Variants in ARMH3 observed in about 807,000 individuals in gnomAD.
ARMH3 encodes the protein armadillo-like helical domain-containing protein 3.
A neutral mutation model predicts 99.1 loss-of-function variants in ARMH3; 60 were observed. The observed-to-expected ratio is 0.61, with a 90% CI of 0.49 to 0.75. The LOEUF (loss-of-function observed/expected upper bound fraction) is 0.75. Among genes scored for constraint, ARMH3 ranks in the 30% least tolerant of loss-of-function variants. ARMH3 has a pLI of 0.00. For missense variants in ARMH3, 679 were observed against 843.1 expected, an observed-to-expected ratio of 0.81 and a Z score of 2.41; for synonymous variants, 285 against 292.8, an observed-to-expected ratio of 0.97 and a Z score of 0.27.
intron 23 of ARMH3, among the ~76,000 whole-genome samples, chr10:101,927,524 C>T (rs995669079): frequency 6.6e-6 from 1 of 152,218 alleles, no homozygotes; most frequent in Non-Finnish European, 1.5e-5. Flanking sequence ...GGTCCATACT[C>T]TGAGTTACCA....
At chr10:101,997,218 A>T (rs1473192107) in intron 15 of ARMH3, among the ~76,000 whole-genome samples, 1 of 151,072 alleles carries the variant, frequency 6.6e-6, no homozygotes, top group Non-Finnish European at 1.5e-5. Flanking sequence ...TGAGCCGAGA[A>T]GATCATGCCA....
intron 5 of ARMH3, among the ~76,000 whole-genome samples, chr10:102,027,489 T>C (rs1269679058): frequency 6.6e-6 from 1 of 151,980 alleles, no homozygotes; most frequent in Non-Finnish European, 1.5e-5. Flanking sequence ...GCTCCCATTC[T>C]GAAAGAGAAT....
At chr10:101,883,986 T>TCACACACACA (rs140583795) in intron 24 of ARMH3, among the ~76,000 whole-genome samples, 2 of 145,460 alleles carry the variant, frequency 1.4e-5, no homozygotes, top group African/African-American at 5.1e-5. Context: ...GAGGGAGATC[T>TCACACACACA]CACACACACA....
At chr10:102,045,088 A>G (rs1590232312) in intron 1 of ARMH3, among the ~76,000 whole-genome samples, 1 of 149,442 alleles carries the variant, frequency 6.7e-6, no homozygotes, top group South Asian at 2.1e-4. Flanking sequence ...GTGAGCTAAC[A>G]TCACTGCATC....
At chr10:102,003,508 A>G (rs1454289596) in intron 14 of ARMH3, among the ~76,000 whole-genome samples, 1 of 152,194 alleles carries the variant, frequency 6.6e-6, no homozygotes. Flanking sequence ...AAGACTTTAA[A>G]TTAGACTCAG....
At chr10:101,955,716 G>A (rs1845000407) in intron 22 of ARMH3, among the ~76,000 whole-genome samples, 1 of 152,172 alleles carries the variant, frequency 6.6e-6, no homozygotes, top group Non-Finnish European at 1.5e-5. Flanking sequence ...AGGCAAATCA[G>A]TGGTTGCCCA....
Position 101,884,811 on chromosome 10 carries a change from T to C in ARMH3, c.1860+4601A>G, listed in dbSNP as rs79980256. On this transcript the variant is annotated intron_variant, in intron 24 of 25. Transcript: ENST00000370033. ...AAACAAACAAAAAAAAACAGGCAAA[T>C]TGGACTTCACCAAAGTTTTTAAAAG... Among the ~76,000 whole-genome samples the C allele has an allele frequency of 9.4e-3, 1,405 of 149,586 alleles. 16 individuals are homozygous for C. Among genetic ancestry groups the C allele is most frequent in the African/African-American group, 0.03 (1,221 of 40,872 alleles).
intron 22 of ARMH3, chr10:101,952,642 AGAG>A (rs1844843926): frequency 6.6e-6 from 1 of 152,224 alleles, no homozygotes; most frequent in Non-Finnish European, 1.5e-5. Context: ...AAGGGGGAAA[AGAG>A]GAGAAGTTCA....
chr10:102,013,966 A>C lies in ARMH3; in HGVS notation c.726+2T>G. 1 of 1,601,540 alleles carries C rather than the reference A, an allele frequency of 6.2e-7. No homozygotes were observed. Among genetic ancestry groups the C allele is most frequent in the Non-Finnish European group, 8.5e-7 (1 of 1,171,856 alleles). ...ACAATACACAAGGATCCAGATACTC[A>C]CATTGAGTGTGGCCTCATCATCCAC... On this transcript the variant is annotated splice_donor_variant, in intron 9 of 25. Coordinates refer to ENST00000370033, the MANE Select transcript of ARMH3 (RefSeq NM_024541.3). LOFTEE classifies it high-confidence loss of function.
At chr10:101,939,711 C>T in intron 23 of ARMH3, 152 bp downstream of exon 23, 7 of 592,352 alleles carry the variant, frequency 1.2e-5, no homozygotes, top group Non-Finnish European at 2.0e-5. Context: ...TGTACTCCTG[C>T]TTTTCTTGAT....
chr10:102,030,772 T>C (rs1437382070), intron 4 of ARMH3, among the ~76,000 whole-genome samples: 3 of 152,006 alleles, frequency 2.0e-5, no homozygotes, highest in Non-Finnish European at 4.4e-5. Flanking sequence ...TTTTTTTGTT[T>C]TGTTTTGTCT....
chr10:101,969,202 A>G (rs1302551521), intron 20 of ARMH3, among the ~76,000 whole-genome samples: 2 of 152,240 alleles, frequency 1.3e-5, no homozygotes, highest in Non-Finnish European at 2.9e-5. Context: ...GTAGAGTTAT[A>G]TAAGATGTCA....
chr10:101,993,252 G>C lies in ARMH3; in HGVS notation c.1275+286C>G, dbSNP rs542165983. Among the ~76,000 whole-genome samples the C allele has an allele frequency of 3.5e-5, 5 of 144,022 alleles. No individual in the cohort carries two copies. The South Asian group carries it at 1.1e-3, about 31-fold the overall frequency. 94.5% of individuals were successfully genotyped at this position (144,022 alleles called of 152,430 possible). The stretch of plus-strand genomic sequence containing the variant: ...CACCATTGCACTCCAGCCTGGGGGG[G>C]AGAGAGAGAGAGAGAGACTCTCCCT... On this transcript the variant is annotated intron_variant, in intron 17 of 25. Transcript: ENST00000370033.
At chr10:102,003,171 C>CT (rs1300377424) in intron 14 of ARMH3, among the ~76,000 whole-genome samples, 76 of 149,904 alleles carry the variant, frequency 5.1e-4, no homozygotes, top group African/African-American at 1.6e-3. Context: ...ACAGTATTTT[C>CT]TTTTTTTTTG....
chr10:101,883,280 G>A (rs888971513), intron 24 of ARMH3, among the ~76,000 whole-genome samples: 1 of 152,066 alleles, frequency 6.6e-6, no homozygotes. Context: ...AGTGGGGCAT[G>A]GTAGCATGCT....
intron 24 of ARMH3, among the ~76,000 whole-genome samples, chr10:101,865,912 G>C (rs1278382729): frequency 6.6e-6 from 1 of 151,778 alleles, no homozygotes; most frequent in Non-Finnish European, 1.5e-5. Flanking sequence ...CCAATAAATT[G>C]TGTATTGCAG....
At chr10:101,970,573 A>G (rs1845720371) in intron 20 of ARMH3, among the ~76,000 whole-genome samples, 1 of 152,138 alleles carries the variant, frequency 6.6e-6, no homozygotes, top group South Asian at 2.1e-4. Flanking sequence ...TATAATCCCA[A>G]CAATTTGGGA....
At chr10:101,874,520 T>A (rs2067212680) in intron 24 of ARMH3, among the ~76,000 whole-genome samples, 1 of 152,098 alleles carries the variant, frequency 6.6e-6, no homozygotes, top group South Asian at 2.1e-4. Context: ...TTAAATTGAC[T>A]CCAGGTAGCA....
intron 24 of ARMH3, among the ~76,000 whole-genome samples, chr10:101,884,697 A>G (rs1179872633): frequency 6.6e-6 from 1 of 152,182 alleles, no homozygotes; most frequent in Non-Finnish European, 1.5e-5. Flanking sequence ...GAAAAGCTTC[A>G]TAACATTAGA....
Sources: gnomAD v4.1 joint callset for allele counts (sites outside exome capture counted in the v4.1 genomes callset) on GRCh38, gnomAD v4.1.1 for gene constraint, MANE v1.5 for transcripts, NCBI Gene and HGNC (gene_info 2026-07-23, HGNC 2026-07-21) for gene names.